GRID2: variants seen among roughly 807,000 people sequenced by gnomAD.
The protein encoded by GRID2 is glutamate ionotropic receptor delta type subunit 2.
A neutral mutation model predicts 114.8 loss-of-function variants in GRID2; 33 were observed. The observed-to-expected ratio is 0.29, with a 90% CI of 0.22 to 0.38. The LOEUF is 0.38. Among genes scored for constraint, GRID2 ranks in the 10% least tolerant of loss-of-function variants. GRID2 has a pLI of 1.00. For missense variants in GRID2, 1,184 were observed against 1,257.7 expected (o/e 0.94, Z 0.89); for synonymous variants, 505 against 449.9 (o/e 1.12, Z -1.55).
intron 2 of GRID2, among the ~76,000 whole-genome samples, chr4:92,627,908 A>G (rs951364799): frequency 6.6e-6 from 1 of 152,110 alleles, no homozygotes; most frequent in African/African-American, 2.4e-5. Flanking sequence ...GGCCAATTTC[A>G]TTTGAGCTAT....
At chr4:92,683,895 G>A (rs956746601) in intron 2 of GRID2, among the ~76,000 whole-genome samples, 3 of 151,624 alleles carry the variant, frequency 2.0e-5, no homozygotes, top group Non-Finnish European at 4.4e-5. Flanking sequence ...TGATTATAAG[G>A]AGAAATCAAG....
intron 13 of GRID2, among the ~76,000 whole-genome samples, chr4:93,622,257 C>T (rs191336477): frequency 6.6e-6 from 1 of 152,272 alleles, no homozygotes; most frequent in Admixed American, 6.5e-5. Context: ...CGAAACCTAA[C>T]CAAGTGTTTT....
intron 2 of GRID2, among the ~76,000 whole-genome samples, chr4:92,907,895 C>T (rs547311074): frequency 3.5e-4 from 53 of 152,004 alleles, no homozygotes; most frequent in East Asian, 7.8e-4. Flanking sequence ...TGTTAGGGTG[C>T]GCTTACAATC....
chr4:93,411,013 A>G (rs1455426660), intron 9 of GRID2, among the ~76,000 whole-genome samples: 2 of 152,158 alleles, frequency 1.3e-5, no homozygotes, highest in African/African-American at 4.8e-5. Context: ...TTCCAACCCT[A>G]GCCTCTCTCT....
chr4:93,008,703 A>G (rs1272732088), intron 2 of GRID2, among the ~76,000 whole-genome samples: 1 of 152,080 alleles, frequency 6.6e-6, no homozygotes. Flanking sequence ...AATGTGGTAT[A>G]TATCAATTTT....
chr4:93,428,901 A>C (rs1769129432), intron 10 of GRID2, among the ~76,000 whole-genome samples: 1 of 152,202 alleles, frequency 6.6e-6, no homozygotes, highest in African/African-American at 2.4e-5. Flanking sequence ...TTGATCACAA[A>C]GGCGCTAGAA....
chr4:93,406,398 G>A (rs1280590090), intron 9 of GRID2, among the ~76,000 whole-genome samples: 1 of 152,110 alleles, frequency 6.6e-6, no homozygotes, highest in Non-Finnish European at 1.5e-5. Context: ...GAGATCAGAG[G>A]GTGAGAAAGC....
chr4:92,571,824 T>C (rs568479822), intron 1 of GRID2, among the ~76,000 whole-genome samples: 7 of 152,274 alleles, frequency 4.6e-5, no homozygotes, highest in Non-Finnish European at 8.8e-5. Flanking sequence ...AAAGATGTTC[T>C]TTGAAACCAA....
rs560386283 is a variant in GRID2, at chr4:93,613,100, G to T, written c.2194-13169G>T. 2.2e-4 allele frequency among the ~76,000 whole-genome samples: 31 copies of T among 141,668 alleles called. 6 individuals are homozygous for T. The South Asian group carries it at 6.7e-3, about 31-fold the overall frequency. The allele number at this position is 141,668 out of a possible 152,430, so 92.9% of individuals were successfully genotyped here. A position where few individuals can be genotyped will look rare whatever the true frequency, so the allele number is the denominator to read the frequency against. ...CTGATACCCTTTCTTCCAGTTGATT[G>T]CATCGGCTCCTGAGGCTTCTGCATT... On this transcript the variant is annotated intron_variant, in intron 13 of 15. Transcript: ENST00000282020.
At chr4:92,945,356 A>G (rs928351074) in intron 2 of GRID2, among the ~76,000 whole-genome samples, 1 of 152,198 alleles carries the variant, frequency 6.6e-6, no homozygotes, top group Middle Eastern at 3.2e-3. Context: ...AATACCAACC[A>G]TTTCAATGTG....
At chr4:92,934,546 T>C (rs1750498441) in intron 2 of GRID2, among the ~76,000 whole-genome samples, 1 of 146,182 alleles carries the variant, frequency 6.8e-6, no homozygotes, top group Admixed American at 7.5e-5. Flanking sequence ...ACTTTAAAGT[T>C]CATATGGAAC....
chr4:92,649,435 T>A (rs1303657205), intron 2 of GRID2, among the ~76,000 whole-genome samples: 2 of 151,342 alleles, frequency 1.3e-5, no homozygotes, highest in Non-Finnish European at 2.9e-5. Flanking sequence ...TTTTTTCTTT[T>A]CAGACCCTCA....
At chr4:93,045,096 C>T (rs1221166615) in intron 2 of GRID2, among the ~76,000 whole-genome samples, 1 of 152,090 alleles carries the variant, frequency 6.6e-6, no homozygotes, top group East Asian at 1.9e-4. Flanking sequence ...TGGGATGCTG[C>T]TGCTCATAAG....
At chr4:93,750,508 G>A (rs747611315) in intron 14 of GRID2, among the ~76,000 whole-genome samples, 43 of 151,782 alleles carry the variant, frequency 2.8e-4, no homozygotes, top group Non-Finnish European at 5.4e-4. Flanking sequence ...GGTGGCTCAC[G>A]TCTGTAATCC....
chr4:93,489,633 G>C (rs755016811), intron 11 of GRID2, among the ~76,000 whole-genome samples: 27 of 151,816 alleles, frequency 1.8e-4, no homozygotes, highest in Non-Finnish European at 3.5e-4. Context: ...TCTTTGAATT[G>C]GGTGTCAGCA....
At chr4:92,439,144 C>T (rs949878375) in intron 1 of GRID2, among the ~76,000 whole-genome samples, 3 of 149,194 alleles carry the variant, frequency 2.0e-5, no homozygotes, top group Admixed American at 6.7e-5. Flanking sequence ...CTCTGGCGGG[C>T]AGGAGTGGGG....
intron 14 of GRID2, among the ~76,000 whole-genome samples, chr4:93,680,511 T>C (rs867484352): frequency 0.027 from 4,054 of 150,446 alleles, 74 homozygotes; most frequent in African/African-American, 0.055. Context: ...TTGATGAACA[T>C]TGATGCAAAA....
intron 1 of GRID2, among the ~76,000 whole-genome samples, chr4:92,328,709 C>G (rs1435158692): frequency 6.6e-6 from 1 of 152,012 alleles, no homozygotes; most frequent in African/African-American, 2.4e-5. Context: ...GCTTAAGGAA[C>G]TAAAAACAAC....
intron 1 of GRID2, among the ~76,000 whole-genome samples, chr4:92,571,532 C>A (rs1437536240): frequency 6.6e-6 from 1 of 152,134 alleles, no homozygotes; most frequent in African/African-American, 2.4e-5. Flanking sequence ...ACCAAATGGA[C>A]CTAATAGACA....
Sources: gnomAD v4.1 joint callset for allele counts (sites outside exome capture counted in the v4.1 genomes callset) on GRCh38, gnomAD v4.1.1 for gene constraint, MANE v1.5 for transcripts, NCBI Gene and HGNC (gene_info 2026-07-23, HGNC 2026-07-21) for gene names.